Variants in OPRD1 observed in about 807,000 individuals in gnomAD.
OPRD1 encodes the protein delta-type opioid receptor.
OPRD1 carries 19 observed loss-of-function variants against 17.5 expected under a neutral mutation model. The ratio of observed to expected loss-of-function variants is 1.09; its 90% CI spans 0.76 to 1.60. OPRD1 has a LOEUF of 1.60. OPRD1 is among the 40% of genes most tolerant of loss of function. The pLI is 0.00. For missense variants in OPRD1, 483 were observed against 547.2 expected (o/e 0.88, Z 1.17); for synonymous variants, 256 against 240.9 (o/e 1.06, Z -0.58).
intron 2 of OPRD1, among the ~76,000 whole-genome samples, chr1:28,861,509 A>G (rs1314437959): frequency 1.3e-5 from 2 of 152,148 alleles, no homozygotes; most frequent in Non-Finnish European, 2.9e-5. Flanking sequence ...CAGCGGCACT[A>G]TCCCAGCTTA....
At chr1:28,813,152 C>G (rs1371771998) in intron 1 of OPRD1, among the ~76,000 whole-genome samples, 3 of 152,182 alleles carry the variant, frequency 2.0e-5, no homozygotes, top group Non-Finnish European at 4.4e-5. Context: ...CCCTAACGGT[C>G]AGTTTGTGAT....
intron 1 of OPRD1, among the ~76,000 whole-genome samples, chr1:28,852,708 T>C (rs2089016257): frequency 6.6e-6 from 1 of 152,040 alleles, no homozygotes; most frequent in Non-Finnish European, 1.5e-5. Context: ...TCTTTTTCTT[T>C]TTATTTATTT....
Position 28,863,324 on chromosome 1 carries a change from C to G in OPRD1, c.*41C>G, listed in dbSNP as rs931433616. On this transcript the variant is annotated 3_prime_UTR_variant, in exon 3 of 3. Transcript: ENST00000234961. ...CCCAGAGCGCCCCTCCCTAGTGACC[C>G]GGAGGCCACATGAGTCCCAGTGGGA... is the stretch of plus-strand genomic sequence containing the variant. The G allele has an allele frequency of 2.1e-6, 3 of 1,404,686 alleles. No homozygotes were observed. In the African/African-American group the frequency reaches 4.6e-5, roughly 21 times the overall value. 87.0% of individuals were successfully genotyped at this position (1,404,686 alleles called of 1,614,324 possible). A position where few individuals can be genotyped will look rare whatever the true frequency, so the allele number is the denominator to read the frequency against.
At chr1:28,848,882 G>A (rs954181367) in intron 1 of OPRD1, among the ~76,000 whole-genome samples, 6 of 152,198 alleles carry the variant, frequency 3.9e-5, no homozygotes, top group African/African-American at 1.4e-4. Flanking sequence ...AGGAATGACA[G>A]CAGGGGTGAG....
rs796774751 is a variant in OPRD1 at position 28,869,392 on chromosome 1, C to T, written c.*6109C>T. ...TAGGGCATGGCACTGCGAGGTTGCC[C>T]GGGTTCTAGTCCCAGCACCATCACC... is the stretch of plus-strand genomic sequence containing the variant. On this transcript the variant is annotated 3_prime_UTR_variant, in exon 3 of 3. Coordinates refer to ENST00000234961, the MANE Select transcript of OPRD1 (RefSeq NM_000911.4). The T allele has an allele frequency of 3.1e-4, 47 of 152,204 alleles. No homozygotes were observed. Among genetic ancestry groups the T allele is most frequent in the East Asian group, 1.9e-4 (1 of 5,170 alleles). 9.4% of individuals were successfully genotyped at this position (152,204 alleles called of 1,614,324 possible). A position where few individuals can be genotyped will look rare whatever the true frequency, so the allele number is the denominator to read the frequency against.
intron 1 of OPRD1, among the ~76,000 whole-genome samples, chr1:28,832,193 A>G (rs911670591): frequency 6.6e-6 from 1 of 152,212 alleles, no homozygotes; most frequent in Non-Finnish European, 1.5e-5. Flanking sequence ...AGGGATTGGG[A>G]GAGGCTGTGG....
intron 1 of OPRD1, among the ~76,000 whole-genome samples, chr1:28,842,227 G>A (rs554333926): frequency 2.6e-4 from 39 of 152,024 alleles, no homozygotes; most frequent in African/African-American, 9.2e-4. Context: ...ACGGGGGTTC[G>A]CCATATTGCC....
At chr1:28,851,728 G>C (rs1477902271) in intron 1 of OPRD1, among the ~76,000 whole-genome samples, 1 of 151,668 alleles carries the variant, frequency 6.6e-6, no homozygotes, top group East Asian at 1.9e-4. Context: ...AAAATTAGCC[G>C]GGCGTGGTGG....
intron 1 of OPRD1, among the ~76,000 whole-genome samples, chr1:28,846,966 T>G (rs2088958859): frequency 6.6e-6 from 1 of 150,798 alleles, no homozygotes; most frequent in Non-Finnish European, 1.5e-5. Context: ...CTTTCTCTCT[T>G]TCTTCCTTCC....
chr1:28,851,889 C>T lies in OPRD1; in HGVS notation c.228-7065C>T, dbSNP rs368105134. 5.4e-4 allele frequency among the ~76,000 whole-genome samples: 80 copies of T among 148,396 alleles called. No individual in the cohort carries two copies. The South Asian group carries it at 9.1e-3, about 17-fold the overall frequency. On this transcript the variant is annotated intron_variant, in intron 1 of 2. Transcript: ENST00000234961. ...GAAAAAAAAAAAAAAAAGAAGAAGC[C>T]GGGCGTGGTGGCTCACGCCTGTAAT...
At chr1:28,824,713 G>A (rs558087053) in intron 1 of OPRD1, among the ~76,000 whole-genome samples, 1 of 152,138 alleles carries the variant, frequency 6.6e-6, no homozygotes, top group African/African-American at 2.4e-5. Context: ...CCTCGTAGGA[G>A]GTGAGTGTGT....
chr1:28,855,386 A>G (rs2089046926), intron 1 of OPRD1, among the ~76,000 whole-genome samples: 1 of 152,110 alleles, frequency 6.6e-6, no homozygotes, highest in African/African-American at 2.4e-5. Context: ...GTGGAGGGGA[A>G]CATGCTGGGA....
intron 1 of OPRD1, among the ~76,000 whole-genome samples, chr1:28,846,703 AAAG>A (rs1191805362): frequency 2.2e-3 from 284 of 129,634 alleles, no homozygotes; most frequent in South Asian, 9.1e-3. Context: ...AAAAAAAAAA[AAAG>A]AGAGAGAGAG....
chr1:28,846,846 T>TTTCTTTCTTTCTTTTCTTTC lies in OPRD1; in HGVS notation c.228-12106_228-12105insCTTTCTTTCTTTTCTTTCTT, dbSNP rs769212543. ...TTTTCTTTCTTTCTTTCTTTCTTTC[T>TTTCTTTCTTTCTTTTCTTTC]TTTCTTTCTTTCTTTCTTTCTTTCT... On this transcript the variant is annotated intron_variant, in intron 1 of 2. Transcript: ENST00000234961. Among the ~76,000 whole-genome samples, 531 of 76,794 alleles carry TTTCTTTCTTTCTTTTCTTTC rather than the reference T, an allele frequency of 6.9e-3. 2 individuals carry two copies. The highest frequency in any genetic ancestry group is 0.025 in the South Asian group (39 of 1,532). 50.4% of individuals were successfully genotyped at this position (76,794 alleles called of 152,430 possible).
At position 28,862,777 on chromosome 1, in the gene OPRD1, C is replaced by T. The variant is rs1569660120; in HGVS notation, c.613C>T (p.Pro205Ser). The part of the protein sequence containing the change: ...AVVCMLQFPS[P>S]SWYWDTVTKI... ...GGTGTGCATGCTCCAGTTCCCCAGC[C>T]CCAGCTGGTACTGGGACACGGTGAC... is the stretch of plus-strand genomic sequence containing the variant. Residue 205 changes from proline to serine, a missense_variant, in exon 3 of 3, where the codon CCC becomes TCC. By Grantham distance (74) the Pro-to-Ser change is moderately conservative. Coordinates refer to ENST00000234961, the MANE Select transcript of OPRD1 (RefSeq NM_000911.4). The T allele has an allele frequency of 6.2e-7, 1 of 1,612,796 alleles. No individual in the cohort carries two copies. The highest frequency in any genetic ancestry group is 8.5e-7 in the Non-Finnish European group (1 of 1,179,374).
chr1:28,855,188 T>A (rs2089044948), intron 1 of OPRD1, among the ~76,000 whole-genome samples: 1 of 152,012 alleles, frequency 6.6e-6, no homozygotes, highest in Admixed American at 6.6e-5. Flanking sequence ...AGGGAGGGCC[T>A]CCCTGAGGAG....
intron 1 of OPRD1, among the ~76,000 whole-genome samples, chr1:28,846,874 CTTTCTTTCTTTCTTTCT>C (rs1557576031): frequency 1.7e-4 from 24 of 142,564 alleles, no homozygotes; most frequent in African/African-American, 6.8e-4. Flanking sequence ...TTCTTTCTTT[CTTTCTTTCTTTCTTTCT>C]TTTCTCTTTC....
At chr1:28,826,784 C>T (rs928426762) in intron 1 of OPRD1, among the ~76,000 whole-genome samples, 4 of 152,174 alleles carry the variant, frequency 2.6e-5, no homozygotes, top group Non-Finnish European at 5.9e-5. Flanking sequence ...GTGAAGTTTG[C>T]TGCATCAATT....
intron 1 of OPRD1, among the ~76,000 whole-genome samples, chr1:28,817,593 A>T (rs369010470): frequency 6.6e-6 from 1 of 152,332 alleles, no homozygotes; most frequent in South Asian, 2.1e-4. Context: ...CCTCTGGGCC[A>T]GGAGAGATTC....
Sources: gnomAD v4.1 joint callset for allele counts (sites outside exome capture counted in the v4.1 genomes callset) on GRCh38, gnomAD v4.1.1 for gene constraint, MANE v1.5 for transcripts, NCBI Gene and HGNC (gene_info 2026-07-23, HGNC 2026-07-21) for gene names.